Variants in PCDHGA2 observed in about 807,000 individuals in gnomAD.
PCDHGA2 encodes protocadherin gamma subfamily A, 2.
In PCDHGA2, 40 loss-of-function variants were observed where a neutral mutation model predicts 59.2. The observed-to-expected ratio is 0.68, with a 90% CI of 0.52 to 0.88. PCDHGA2 has a LOEUF of 0.88. PCDHGA2 is among the 40% of genes least tolerant of loss of function. The probability of loss-of-function intolerance (pLI) is 0.00; values close to 1 mark genes in which losing one functional copy is unlikely to be tolerated. For synonymous variants in PCDHGA2, 560 were observed against 526.0 expected (o/e 1.06, Z -0.89); for missense variants, 1,226 against 1,204.0 (o/e 1.02, Z -0.27).
At chr5:141,430,586 C>G in intron 1 of PCDHGA2, 1 of 517,248 alleles carries the variant, frequency 1.9e-6, no homozygotes, top group Non-Finnish European at 3.1e-6. Context: ...TCCTGCTCGC[C>G]TTGCACGCGC....
chr5:141,356,044 C>T (rs185441391), intron 1 of PCDHGA2: 3 of 1,613,890 alleles, frequency 1.9e-6, no homozygotes, highest in East Asian at 4.5e-5. Flanking sequence ...GTATTCTTTC[C>T]GGAAAGTAAG....
Position 141,356,374 on chromosome 5 carries a change from T to G in PCDHGA2, c.2424+14979T>G. ...ATGTTCTATTCCAGATAATCTGCCA[T>G]TCACACTTGAAAAGACCTATGGAAA... On this transcript the variant is annotated intron_variant, in intron 1 of 3. Transcript: ENST00000394576. 1.9e-6 allele frequency: 3 copies of G among 1,562,992 alleles called. No homozygotes were observed. The South Asian group carries it at 3.5e-5, about 18-fold the overall frequency.
At chr5:141,447,371 C>G (rs1180989888) in intron 1 of PCDHGA2, among the ~76,000 whole-genome samples, 1 of 151,826 alleles carries the variant, frequency 6.6e-6, no homozygotes, top group African/African-American at 2.4e-5. Context: ...ACTCCTGACC[C>G]TGGTGATCTG....
chr5:141,410,251 C>T, intron 1 of PCDHGA2: 1 of 1,614,016 alleles, frequency 6.2e-7, no homozygotes, highest in Non-Finnish European at 8.5e-7. Flanking sequence ...TACTCTCTGA[C>T]CCCCAGGCTG....
chr5:141,404,707 C>A, intron 1 of PCDHGA2: 1 of 1,614,122 alleles, frequency 6.2e-7, no homozygotes, highest in South Asian at 1.1e-5. Flanking sequence ...CAGAGCCTGG[C>A]TACCTGGTGA....
Position 141,339,767 on chromosome 5 carries a change from GC to G in PCDHGA2, c.798del (p.Thr267LeufsTer15), listed in dbSNP as rs750215738. Reference protein sequence around the residue: ...LVGTRILTVTATDADEGYYAQ... With the variant: ...LVGTRILTVTXTDADEGYYAQ... ...GGGCACCCGGATACTCACGGTGACC[GC>G]CACTGACGCAGATGAGGGCTACTAC... On this transcript the variant is annotated frameshift_variant, in exon 1 of 4. Coordinates refer to ENST00000394576, the MANE Select transcript of PCDHGA2 (RefSeq NM_018915.4). LOFTEE classifies it high-confidence loss of function. 1.3e-5 allele frequency: 21 copies of G among 1,614,022 alleles called. No individual in the cohort carries two copies. The highest frequency in any genetic ancestry group is 1.7e-5 in the Admixed American group (1 of 60,006).
At chr5:141,355,936 G>C in intron 1 of PCDHGA2, 1 of 1,613,826 alleles carries the variant, frequency 6.2e-7, no homozygotes, top group Non-Finnish European at 8.5e-7. Flanking sequence ...CACTCAGCCC[G>C]AGTACCACGT....
At chr5:141,425,546 A>G (rs2096882460) in intron 1 of PCDHGA2, among the ~76,000 whole-genome samples, 1 of 152,202 alleles carries the variant, frequency 6.6e-6, no homozygotes, top group African/African-American at 2.4e-5. Flanking sequence ...CTTTTCAGAA[A>G]CCTCTTTTAT....
At chr5:141,371,581 A>G (rs764497164) in intron 1 of PCDHGA2, 3 of 1,613,936 alleles carry the variant, frequency 1.9e-6, no homozygotes, top group East Asian at 2.2e-5. Context: ...AAAATCGTTC[A>G]AGATACCAAA....
chr5:141,401,345 A>G (rs1233985725), intron 1 of PCDHGA2, among the ~76,000 whole-genome samples: 4 of 152,216 alleles, frequency 2.6e-5, no homozygotes, highest in Non-Finnish European at 4.4e-5. Context: ...TCCATCTCAA[A>G]AAAAAGGAAG....
At chr5:141,410,006 G>T (rs1201569227) in intron 1 of PCDHGA2, 8 of 1,613,274 alleles carry the variant, frequency 5.0e-6, no homozygotes, top group Non-Finnish European at 5.1e-6. Context: ...GGGACACAAC[G>T]CCTGGCTGTC....
intron 1 of PCDHGA2, chr5:141,360,518 A>T (rs764837535): frequency 3.1e-6 from 5 of 1,613,996 alleles, no homozygotes; most frequent in Non-Finnish European, 4.2e-6. Flanking sequence ...GATATAAATG[A>T]TAATACCCCG....
chr5:141,343,269 G>C, intron 1 of PCDHGA2: 1 of 961,034 alleles, frequency 1.0e-6, no homozygotes, highest in Non-Finnish European at 1.2e-6. Context: ...AGGTCACCAA[G>C]AACAAACTTA....
At chr5:141,394,219 C>T (rs1355390708) in intron 1 of PCDHGA2, 1 of 1,613,786 alleles carries the variant, frequency 6.2e-7, no homozygotes, top group Non-Finnish European at 8.5e-7. Context: ...CTGAGAGGAG[C>T]CTCCATCTTT....
Position 141,345,336 on chromosome 5 carries a change from G to A in PCDHGA2, c.2424+3941G>A, listed in dbSNP as rs1206645862. Reference sequence around the variant, plus strand: ...TGGGGGAAGCCCGCCACTGTCCACAGAAACTCACATCACCCTGCATGTGAT... The same window carrying A: ...TGGGGGAAGCCCGCCACTGTCCACAAAAACTCACATCACCCTGCATGTGAT... On this transcript the variant is annotated intron_variant, in intron 1 of 3. Transcript: ENST00000394576. The A allele has an allele frequency of 3.1e-6, 5 of 1,613,916 alleles. No homozygotes were observed. Among genetic ancestry groups the A allele is most frequent in the Non-Finnish European group, 2.5e-6 (3 of 1,179,940 alleles).
At chr5:141,446,968 G>A (rs1052445705) in intron 1 of PCDHGA2, among the ~76,000 whole-genome samples, 12 of 152,050 alleles carry the variant, frequency 7.9e-5, no homozygotes, top group African/African-American at 2.4e-4. Flanking sequence ...AGGGAAATTT[G>A]CTGTCTAATT....
chr5:141,473,930 G>T (rs966856411), intron 1 of PCDHGA2, among the ~76,000 whole-genome samples: 3 of 152,156 alleles, frequency 2.0e-5, no homozygotes, highest in Admixed American at 6.5e-5. Flanking sequence ...TGAGCTGGGT[G>T]CAGTAGCTCA....
At chr5:141,359,496 TACTAGATAACTATATTATGGGCC>T (rs1761233589) in intron 1 of PCDHGA2, among the ~76,000 whole-genome samples, 2 of 151,226 alleles carry the variant, frequency 1.3e-5, no homozygotes, top group East Asian at 3.9e-4. Context: ...TATTACGGAC[TACTAGATAACTATATTATGGGCC>T]ACTAGATAAC....
intron 2 of PCDHGA2, among the ~76,000 whole-genome samples, chr5:141,496,189 G>A (rs1362938002): frequency 1.3e-5 from 2 of 152,004 alleles, no homozygotes; most frequent in Admixed American, 6.6e-5. Flanking sequence ...AGCCCCAGCT[G>A]CTCATTTCAA....
Sources: allele counts gnomAD v4.1 joint callset (sites outside exome capture counted in the v4.1 genomes callset), GRCh38; gene constraint gnomAD v4.1.1; transcripts MANE v1.5; gene names NCBI Gene and HGNC (gene_info 2026-07-23, HGNC 2026-07-21).